Variants in USP36 observed in about 807,000 individuals in gnomAD.
The protein encoded by USP36 is ubiquitin carboxyl-terminal hydrolase 36.
A neutral mutation model predicts 111.5 loss-of-function variants in USP36; 59 were observed. The observed-to-expected ratio is 0.53, with a 90% CI of 0.43 to 0.66. The LOEUF is 0.66. Ranked by LOEUF, USP36 falls within the 30% of genes least tolerant of loss-of-function variation. USP36 has a pLI of 0.00. For missense variants in USP36, 1,488 were observed against 1,468.0 expected, an observed-to-expected ratio of 1.01 and a Z score of -0.22; for synonymous variants, 628 against 581.0, an observed-to-expected ratio of 1.08 and a Z score of -1.16.
intron 7 of USP36, 149 bp from the exon 8 acceptor site, chr17:78,821,210 G>A (rs572364522): frequency 9.6e-4 from 633 of 660,580 alleles, no homozygotes; most frequent in Non-Finnish European, 1.4e-3. Context: ...CCTGGTGTCC[G>A]AACAGAGAGC....
chr17:78,811,607 C>T (rs552329788), intron 13 of USP36, among the ~76,000 whole-genome samples: 3 of 152,196 alleles, frequency 2.0e-5, no homozygotes, highest in African/African-American at 4.8e-5. Context: ...CAGTGGCTCA[C>T]GTCTGTAATC....
chr17:78,835,657 G>A (rs1180890243), intron 3 of USP36, among the ~76,000 whole-genome samples, 156 bp from the exon 4 acceptor site: 1 of 152,222 alleles, frequency 6.6e-6, no homozygotes, highest in Non-Finnish European at 1.5e-5. Context: ...GGACATTCCT[G>A]GAAAGCTCAG....
chr17:78,820,289 C>T (rs2094288001), intron 8 of USP36, among the ~76,000 whole-genome samples: 1 of 152,144 alleles, frequency 6.6e-6, no homozygotes, highest in African/African-American at 2.4e-5. Flanking sequence ...GCCTGGGCAA[C>T]ATAGCAAGAC....
chr17:78,821,306 C>G (rs558951478), intron 7 of USP36: 56 of 398,364 alleles, frequency 1.4e-4, no homozygotes, highest in Non-Finnish European at 2.3e-4. Context: ...CTGACCACCA[C>G]GTGCGGTACT....
chr17:78,806,054 T>G, intron 15 of USP36, 102 bp downstream of exon 15: 1 of 1,580,784 alleles, frequency 6.3e-7, no homozygotes, highest in South Asian at 1.1e-5. Context: ...ATGCTTTGTC[T>G]GTCCTGTGAG....
chr17:78,805,511 T>A (rs2093874399), intron 15 of USP36, among the ~76,000 whole-genome samples: 1 of 152,156 alleles, frequency 6.6e-6, no homozygotes, highest in Non-Finnish European at 1.5e-5. Flanking sequence ...GGCCGCCTCA[T>A]GACTCACCCC....
rs1370051602 is a variant in USP36, at chr17:78,818,855, A to G, written c.912-77T>C. 6 of 1,459,494 alleles carry G rather than the reference A, an allele frequency of 4.1e-6. No individual in the cohort carries two copies. The African/African-American group carries it at 4.2e-5, about 10-fold the overall frequency. The allele number at this position is 1,459,494 out of a possible 1,614,324, so 90.4% of individuals were successfully genotyped here. A position where few individuals can be genotyped will look rare whatever the true frequency, so the allele number is the denominator to read the frequency against. On this transcript the variant is annotated intron_variant, in intron 9 of 20. Transcript: ENST00000449938. ...AAAATGTTGTCTTAACGCTAAGTTAATAACAGCAACAACTGCTCTGTAATA... is the reference window on the plus strand; with the variant it reads ...AAAATGTTGTCTTAACGCTAAGTTAGTAACAGCAACAACTGCTCTGTAATA...
At chr17:78,788,208 A>C (rs1207134854) in intron 3 of USP36, among the ~76,000 whole-genome samples, 1 of 151,904 alleles carries the variant, frequency 6.6e-6, no homozygotes, top group African/African-American at 2.4e-5. Context: ...CTCTGTCGCC[A>C]GGCTGGAGCG....
intron 3 of USP36, among the ~76,000 whole-genome samples, chr17:78,788,291 A>G (rs959237101): frequency 6.6e-6 from 1 of 151,956 alleles, no homozygotes; most frequent in South Asian, 2.1e-4. Flanking sequence ...CAGCCTCCCA[A>G]GTAGCTGGGA....
In USP36 at chr17:78,818,659, G is replaced by A. The variant is rs2094245000; in HGVS notation, c.1023+8C>T. 2.5e-6 allele frequency: 4 copies of A among 1,613,152 alleles called. No homozygotes were observed. The highest frequency in any genetic ancestry group is 3.4e-6 in the Non-Finnish European group (4 of 1,179,320). ...GGAGCTGCCTGGGATGGTGTCACGA[G>A]CGCTCACCTTGGTGATCTTCCCCCC... On this transcript the variant is annotated splice_region_variant and intron_variant, in intron 10 of 20. Coordinates refer to ENST00000449938, the MANE Select transcript of USP36 (RefSeq NM_001385174.1).
At chr17:78,815,356 G>GA (rs1358119366) in intron 10 of USP36, among the ~76,000 whole-genome samples, 2 of 152,034 alleles carry the variant, frequency 1.3e-5, no homozygotes, top group Non-Finnish European at 2.9e-5. Flanking sequence ...AACAAACAAA[G>GA]AAAAAACACC....
intron 6 of USP36, among the ~76,000 whole-genome samples, chr17:78,825,267 A>G (rs1599071697): frequency 6.6e-6 from 1 of 152,346 alleles, no homozygotes; most frequent in East Asian, 1.9e-4. Context: ...AGTTCCATGA[A>G]GTAGAAATAT....
chr17:78,822,572 C>T (rs747537932), intron 6 of USP36, among the ~76,000 whole-genome samples: 5 of 152,208 alleles, frequency 3.3e-5, no homozygotes, highest in Non-Finnish European at 7.3e-5. Context: ...GGGTCAGGAG[C>T]CCTGCCCTCA....
rs757196426 is a variant in USP36 at position 78,796,549 on chromosome 17, A to G, written c.*1351T>C. The stretch of plus-strand genomic sequence containing the variant: ...AATCCAAAAAGAGACACCCACCCAC[A>G]TGGAAAAAAATAAATGTATCTTCCC... On this transcript the variant is annotated 3_prime_UTR_variant, in exon 21 of 21. Coordinates refer to ENST00000449938, the MANE Select transcript of USP36 (RefSeq NM_001385174.1). 6.6e-6 allele frequency: 1 copy of G among 152,226 alleles called. No homozygotes were observed. Among genetic ancestry groups the G allele is most frequent in the Non-Finnish European group, 1.5e-5 (1 of 68,056 alleles). The allele number at this position is 152,226 out of a possible 1,614,324, so 9.4% of individuals were successfully genotyped here.
intron 17 of USP36, among the ~76,000 whole-genome samples, chr17:78,801,950 TC>T (rs1157045347): frequency 6.6e-6 from 1 of 152,138 alleles, no homozygotes; most frequent in Non-Finnish European, 1.5e-5. Context: ...GGGAGCAGAC[TC>T]GGGGGTGGGG....
intron 5 of USP36, among the ~76,000 whole-genome samples, chr17:78,828,403 G>A (rs1204415156): frequency 6.6e-6 from 1 of 152,148 alleles, no homozygotes; most frequent in East Asian, 1.9e-4. Flanking sequence ...TATTCAGAAT[G>A]GAATTGGTAC....
chr17:78,809,059 A>G (rs2093986678), intron 13 of USP36, among the ~76,000 whole-genome samples: 1 of 152,208 alleles, frequency 6.6e-6, no homozygotes, highest in Non-Finnish European at 1.5e-5. Flanking sequence ...CGTTTGGGCT[A>G]TTACCACTTT....
At chr17:78,815,903 C>T (rs1022030552) in intron 10 of USP36, among the ~76,000 whole-genome samples, 25 of 152,028 alleles carry the variant, frequency 1.6e-4, no homozygotes, top group Admixed American at 1.6e-3. Context: ...CATACATGCA[C>T]GCACACATGC....
chr17:78,811,390 C>T (rs1260438337), intron 13 of USP36, among the ~76,000 whole-genome samples: 2 of 152,072 alleles, frequency 1.3e-5, no homozygotes, highest in Non-Finnish European at 2.9e-5. Context: ...TGACTATGTA[C>T]GTATGCATAT....
Sources: allele counts gnomAD v4.1 joint callset (sites outside exome capture counted in the v4.1 genomes callset), GRCh38; gene constraint gnomAD v4.1.1; transcripts MANE v1.5; gene names NCBI Gene and HGNC (gene_info 2026-07-23, HGNC 2026-07-21).